SRBD1: variants seen among roughly 807,000 people sequenced by gnomAD.
SRBD1 encodes S1 RNA-binding domain-containing protein 1.
A neutral mutation model predicts 115.3 loss-of-function variants in SRBD1; 88 were observed. That is an observed-to-expected ratio of 0.76 (90% confidence interval 0.64 to 0.91). The LOEUF is 0.91. Among genes scored for constraint, SRBD1 ranks in the 40% least tolerant of loss-of-function variants. The probability of loss-of-function intolerance (pLI) is 0.00; values close to 1 mark genes in which losing one functional copy is unlikely to be tolerated. For synonymous variants in SRBD1, 509 were observed against 407.7 expected (o/e 1.25, Z -2.99); for missense variants, 1,385 against 1,177.4 (o/e 1.18, Z -2.58).
At position 45,579,888 on chromosome 2, in the gene SRBD1, C is replaced by A; in HGVS notation, c.1059G>T (p.Arg353Ser). The change falls in exon 7 of 21, where the codon AGG (arginine) becomes AGT (serine). Residue 353 changes from arginine to serine, a missense_variant. Transcript: ENST00000263736. The stretch of plus-strand genomic sequence containing the variant: ...TAAAGCCAGTACCTTTAACGTCAGG[C>A]CTAATGTACGATAGCAGACTGAGCT... ...PGELSLLSYI[R>S]PDVKGLSTLQ... 6.3e-7 allele frequency: 1 copy of A among 1,592,762 alleles called. No homozygotes were observed. The highest frequency in any genetic ancestry group is 8.5e-7 in the Non-Finnish European group (1 of 1,172,644).
intron 14 of SRBD1, among the ~76,000 whole-genome samples, chr2:45,519,652 C>G (rs947741665): frequency 5.3e-5 from 8 of 152,112 alleles, no homozygotes; most frequent in African/African-American, 1.9e-4. Context: ...AATTTTGTCC[C>G]TTCTTCTAAC....
chr2:45,552,072 T>G (rs796663261), intron 11 of SRBD1, among the ~76,000 whole-genome samples: 9 of 152,192 alleles, frequency 5.9e-5, no homozygotes, highest in African/African-American at 2.2e-4. Flanking sequence ...TAACTGACAA[T>G]GTAGAACTGA....
chr2:45,545,999 A>G (rs576151302), intron 14 of SRBD1, among the ~76,000 whole-genome samples: 6 of 152,336 alleles, frequency 3.9e-5, no homozygotes, highest in African/African-American at 1.4e-4. Flanking sequence ...GCAGTGGGAG[A>G]TAGCTCTTGA....
At chr2:45,490,224 T>A (rs1014254056) in intron 14 of SRBD1, among the ~76,000 whole-genome samples, 4 of 152,144 alleles carry the variant, frequency 2.6e-5, no homozygotes, top group Admixed American at 1.3e-4. Flanking sequence ...AATTAAGAAG[T>A]GATTTTTTCA....
rs547887770 is a variant in SRBD1 at position 45,422,553 on chromosome 2, A to C, written c.2050-2659T>G. Among the ~76,000 whole-genome samples the C allele has an allele frequency of 1.1e-4, 16 of 152,380 alleles. No individual in the cohort carries two copies. In the East Asian group the frequency reaches 1.7e-3, roughly 17 times the overall value. On this transcript the variant is annotated intron_variant, in intron 16 of 20. Coordinates refer to ENST00000263736, the MANE Select transcript of SRBD1 (RefSeq NM_018079.5). ...ATACCCTTAACATCGAATGAACAAT[A>C]GAATGAACAATGCAGCCAATTGAGA...
At chr2:45,563,410 C>T (rs1291458977) in intron 9 of SRBD1, among the ~76,000 whole-genome samples, 1 of 151,678 alleles carries the variant, frequency 6.6e-6, no homozygotes, top group Non-Finnish European at 1.5e-5. Context: ...ATTAAAAACA[C>T]TCCTTAAAGT....
chr2:45,541,041 G>A (rs1441798403), intron 14 of SRBD1, among the ~76,000 whole-genome samples: 1 of 152,218 alleles, frequency 6.6e-6, no homozygotes, highest in African/African-American at 2.4e-5. Flanking sequence ...GGCTGTGCTT[G>A]GCTGGTGCTA....
intron 9 of SRBD1, among the ~76,000 whole-genome samples, chr2:45,565,327 A>T (rs1672792668): frequency 6.6e-6 from 1 of 152,342 alleles, no homozygotes; most frequent in Non-Finnish European, 1.5e-5. Flanking sequence ...AAACTTATAC[A>T]TATAGTGTCA....
At chr2:45,564,415 G>A (rs557477908) in intron 9 of SRBD1, among the ~76,000 whole-genome samples, 1 of 152,252 alleles carries the variant, frequency 6.6e-6, no homozygotes, top group South Asian at 2.1e-4. Context: ...GTTCTAGCCA[G>A]GGAAAAGAAG....
chr2:45,608,432 C>T (rs1278700992), intron 1 of SRBD1, among the ~76,000 whole-genome samples: 1 of 152,174 alleles, frequency 6.6e-6, no homozygotes, highest in African/African-American at 2.4e-5. Context: ...ACGACAGGTA[C>T]ACCCCCAGGA....
intron 14 of SRBD1, among the ~76,000 whole-genome samples, chr2:45,536,181 A>C (rs1201571717): frequency 6.6e-6 from 1 of 152,040 alleles, no homozygotes; most frequent in Non-Finnish European, 1.5e-5. Flanking sequence ...ATAAGAGCTA[A>C]ATCAGATACT....
At chr2:45,458,666 T>C (rs979048567) in intron 16 of SRBD1, among the ~76,000 whole-genome samples, 4 of 152,158 alleles carry the variant, frequency 2.6e-5, no homozygotes, top group Non-Finnish European at 1.5e-5. Flanking sequence ...TTACTACATT[T>C]TTGAAAACAG....
intron 3 of SRBD1, among the ~76,000 whole-genome samples, chr2:45,600,855 A>C (rs1283023826): frequency 6.6e-6 from 1 of 152,218 alleles, no homozygotes; most frequent in Non-Finnish European, 1.5e-5. Flanking sequence ...TCTTTTATCA[A>C]GTATTTTTTC....
intron 16 of SRBD1, among the ~76,000 whole-genome samples, chr2:45,463,280 C>T (rs1489808512): frequency 1.3e-5 from 2 of 152,108 alleles, no homozygotes; most frequent in African/African-American, 2.4e-5. Context: ...ATACCTTAGG[C>T]CTTCCTGCAG....
chr2:45,469,598 G>C lies in SRBD1; in HGVS notation c.2049+7395C>G, dbSNP rs545130148. On this transcript the variant is annotated intron_variant, in intron 16 of 20. Transcript: ENST00000263736. ...CATTGTTGGTGATTTCCAGGAACTT[G>C]AGAAAACTAAAGCTAGTATTTCAAC... Among the ~76,000 whole-genome samples, 47 of 152,224 alleles carry C rather than the reference G, an allele frequency of 3.1e-4. 1 individual carries two copies. In the South Asian group the frequency reaches 9.5e-3, roughly 31 times the overall value.
chr2:45,474,495 A>G (rs1669747058), intron 16 of SRBD1, among the ~76,000 whole-genome samples: 1 of 152,184 alleles, frequency 6.6e-6, no homozygotes, highest in African/African-American at 2.4e-5. Context: ...GCTATCTCCC[A>G]GCCTCTCTGG....
At chr2:45,597,387 T>G (rs1673936736) in intron 4 of SRBD1, among the ~76,000 whole-genome samples, 1 of 151,366 alleles carries the variant, frequency 6.6e-6, no homozygotes, top group Non-Finnish European at 1.5e-5. Flanking sequence ...GCCACTGTAC[T>G]TCAGCCTGGG....
intron 20 of SRBD1, among the ~76,000 whole-genome samples, chr2:45,390,716 C>T (rs569490468): frequency 6.6e-6 from 1 of 152,214 alleles, no homozygotes. Context: ...CTATCCTTTA[C>T]ATTTGTATTA....
At chr2:45,526,640 A>G (rs1671451424) in intron 14 of SRBD1, among the ~76,000 whole-genome samples, 1 of 151,996 alleles carries the variant, frequency 6.6e-6, no homozygotes, top group African/African-American at 2.4e-5. Context: ...GTTAAACAAA[A>G]TAAATGAATA....
Sources: allele counts gnomAD v4.1 joint callset (sites outside exome capture counted in the v4.1 genomes callset), GRCh38; gene constraint gnomAD v4.1.1; transcripts MANE v1.5; gene names NCBI Gene and HGNC (gene_info 2026-07-23, HGNC 2026-07-21).